The following NXPE2 variants were observed in gnomAD, a reference collection of about 807,000 sequenced individuals.
NXPE2 encodes NXPE family member 2.
A neutral mutation model predicts 34.4 loss-of-function variants in NXPE2; 34 were observed. The ratio of observed to expected loss-of-function variants is 0.99; its 90% confidence interval spans 0.75 to 1.31. The LOEUF is 1.31. NXPE2 is among the 40% of genes most tolerant of loss of function. The pLI, the probability that NXPE2 is intolerant of heterozygous loss-of-function variation, is 0.00. For synonymous variants in NXPE2, 235 were observed against 231.3 expected, an observed-to-expected ratio of 1.02 and a Z score of -0.15; for missense variants, 649 against 672.5, an observed-to-expected ratio of 0.97 and a Z score of 0.39.
chr11:114,661,454 C>A, the NXPE2 span, among the ~76,000 whole-genome samples: 26 of 152,138 alleles, frequency 1.7e-4, no homozygotes, highest in African/African-American at 5.3e-4. Context: ...GGTGAGCCAG[C>A]CTCTAAGGTT....
the NXPE2 span, among the ~76,000 whole-genome samples, chr11:114,487,131 A>G: frequency 6.6e-6 from 1 of 152,286 alleles, no homozygotes; most frequent in Non-Finnish European, 1.5e-5. Context: ...GTCAATGAAT[A>G]TGGAATGTCT....
chr11:114,720,390 A>G, the NXPE2 span, among the ~76,000 whole-genome samples: 2 of 152,234 alleles, frequency 1.3e-5, no homozygotes, highest in Non-Finnish European at 2.9e-5. Context: ...CTGCTTCTCC[A>G]TAAAGCAAGT....
chr11:114,612,098 C>T, the NXPE2 span, among the ~76,000 whole-genome samples: 1,253 of 142,226 alleles, frequency 8.8e-3, 19 homozygotes, highest in African/African-American at 0.03. Flanking sequence ...TGTTGAGTCA[C>T]GGGTAACCAC....
chr11:114,568,035 G>A, the NXPE2 span, among the ~76,000 whole-genome samples: 1 of 152,124 alleles, frequency 6.6e-6, no homozygotes, highest in African/African-American at 2.4e-5. Flanking sequence ...CATTGCCACA[G>A]TGTGTATATT....
At chr11:114,560,160 G>A in the NXPE2 span, among the ~76,000 whole-genome samples, 1 of 152,082 alleles carries the variant, frequency 6.6e-6, no homozygotes, top group South Asian at 2.1e-4. Flanking sequence ...GTGACTCTAT[G>A]GATAGGCTTT....
the NXPE2 span, among the ~76,000 whole-genome samples, chr11:114,723,402 T>C: frequency 6.6e-6 from 1 of 152,046 alleles, no homozygotes; most frequent in African/African-American, 2.4e-5. Context: ...TAATCCAAGG[T>C]GTGGAAAGTA....
chr11:114,697,522 G>T (rs1471599803), intron 2 of NXPE2, among the ~76,000 whole-genome samples: 1 of 152,134 alleles, frequency 6.6e-6, no homozygotes, highest in Non-Finnish European at 1.5e-5. Context: ...GCTTTGTGAT[G>T]TCAGCCCCAT....
At chr11:114,542,468 G>T in the NXPE2 span, among the ~76,000 whole-genome samples, 5 of 152,106 alleles carry the variant, frequency 3.3e-5, no homozygotes, top group African/African-American at 1.2e-4. Flanking sequence ...TTTATTTACA[G>T]AAATAAGTCT....
At chr11:114,470,836 A>T in the NXPE2 span, among the ~76,000 whole-genome samples, 1 of 152,106 alleles carries the variant, frequency 6.6e-6, no homozygotes, top group Admixed American at 6.6e-5. Flanking sequence ...TATCTACGTT[A>T]TGGAGAGTCA....
In NXPE2 at chr11:114,706,849, T is replaced by C. The variant is rs1951486934; in HGVS notation, c.1599T>C (p.Ile533=). ...VGIIDAWDMT[I]AYCTNNAHPP... ...TTATTGATGCCTGGGACATGACGAT[T>C]GCATATTGCACCAACAATGCCCATC... Residue 533 remains isoleucine (I), a synonymous_variant, in exon 6 of 6, where the codon ATT becomes ATC. Coordinates refer to ENST00000389586, the MANE Select transcript of NXPE2 (RefSeq NM_182495.6). The C allele has an allele frequency of 6.4e-7, 1 of 1,552,130 alleles. No individual in the cohort carries two copies.
chr11:114,795,857 T>C, the NXPE2 span, among the ~76,000 whole-genome samples: 2 of 152,230 alleles, frequency 1.3e-5, no homozygotes, highest in Non-Finnish European at 2.9e-5. Flanking sequence ...CAAAAGGGGC[T>C]AAGGCCATAA....
At chr11:114,475,471 T>C in the NXPE2 span, among the ~76,000 whole-genome samples, 1 of 152,100 alleles carries the variant, frequency 6.6e-6, no homozygotes, top group Non-Finnish European at 1.5e-5. Flanking sequence ...CTCGAACTCC[T>C]GACCTCTTGA....
chr11:114,779,168 T>A, the NXPE2 span, among the ~76,000 whole-genome samples: 5 of 152,324 alleles, frequency 3.3e-5, no homozygotes, highest in East Asian at 9.6e-4. Context: ...TGTGGCTCTG[T>A]GGATATAAGA....
the NXPE2 span, among the ~76,000 whole-genome samples, chr11:114,546,669 C>A: frequency 3.3e-5 from 5 of 151,948 alleles, no homozygotes; most frequent in Admixed American, 3.3e-4. Context: ...ACAAACAGAG[C>A]CAGTGTCTAG....
chr11:114,618,444 G>A, the NXPE2 span, among the ~76,000 whole-genome samples: 1 of 152,062 alleles, frequency 6.6e-6, no homozygotes, highest in Non-Finnish European at 1.5e-5. Context: ...TGGATAGTAA[G>A]TATTGCCTCA....
At chr11:114,766,621 C>T in the NXPE2 span, among the ~76,000 whole-genome samples, 2 of 151,516 alleles carry the variant, frequency 1.3e-5, no homozygotes, top group South Asian at 2.1e-4. Flanking sequence ...TTCTTCTTGT[C>T]CTCTTTTCCT....
the NXPE2 span, among the ~76,000 whole-genome samples, chr11:114,624,745 C>T: frequency 3.9e-5 from 6 of 152,068 alleles, no homozygotes; most frequent in Admixed American, 6.5e-5. Context: ...TCCAGGGTAA[C>T]CACTGTTACC....
the NXPE2 span, among the ~76,000 whole-genome samples, chr11:114,605,183 C>A: frequency 6.6e-6 from 1 of 151,786 alleles, no homozygotes; most frequent in Non-Finnish European, 1.5e-5. Context: ...TTGTGAGAAA[C>A]CACTCTTACC....
the NXPE2 span, among the ~76,000 whole-genome samples, chr11:114,467,423 A>T: frequency 6.6e-6 from 1 of 152,316 alleles, no homozygotes; most frequent in East Asian, 1.9e-4. Context: ...TCCTAAAAAT[A>T]TCAAGGATAG....
Sources: allele counts gnomAD v4.1 joint callset (sites outside exome capture counted in the v4.1 genomes callset), GRCh38; gene constraint gnomAD v4.1.1; transcripts MANE v1.5; gene names NCBI Gene and HGNC (gene_info 2026-07-23, HGNC 2026-07-21).